The following VPS54 variants were observed in gnomAD, a reference collection of about 807,000 sequenced individuals.
The protein encoded by VPS54 is vacuolar protein sorting-associated protein 54.
Under a neutral mutation model 121.5 loss-of-function variants are expected in VPS54, and 45 were observed. The ratio of observed to expected loss-of-function variants is 0.37; its 90% CI spans 0.29 to 0.47. The LOEUF is 0.47. Ranked by LOEUF, VPS54 falls within the 20% of genes least tolerant of loss-of-function variation. The pLI, the probability that VPS54 is intolerant of heterozygous loss-of-function variation, is 0.99. For synonymous variants in VPS54, 371 were observed against 385.8 expected (o/e 0.96, Z 0.45); for missense variants, 1,090 against 1,131.4 (o/e 0.96, Z 0.52).
intron 9 of VPS54, among the ~76,000 whole-genome samples, chr2:63,946,574 CAT>C (rs1450324732): frequency 1.3e-5 from 2 of 151,980 alleles, no homozygotes; most frequent in African/African-American, 2.4e-5. Flanking sequence ...TTTAAAAACT[CAT>C]ATATGTACAT....
intron 16 of VPS54, among the ~76,000 whole-genome samples, chr2:63,914,937 C>G (rs1054228243): frequency 4.6e-5 from 7 of 151,686 alleles, no homozygotes; most frequent in African/African-American, 1.2e-4. Context: ...AGTTCGAGAC[C>G]AGCCTGACAA....
chr2:63,987,927 C>A (rs1407856382), intron 1 of VPS54, among the ~76,000 whole-genome samples: 1 of 152,074 alleles, frequency 6.6e-6, no homozygotes, highest in East Asian at 1.9e-4. Flanking sequence ...TTGATGAATT[C>A]TTTAGGTTTA....
intron 1 of VPS54, among the ~76,000 whole-genome samples, chr2:63,988,755 CTG>C (rs1327180265): frequency 1.3e-5 from 2 of 152,056 alleles, no homozygotes; most frequent in Non-Finnish European, 2.9e-5. Context: ...ACTGCACAGA[CTG>C]TTCGTAAAGC....
chr2:64,013,550 T>TTG, intron 1 of VPS54, among the ~76,000 whole-genome samples: 1 of 148,164 alleles, frequency 6.7e-6, no homozygotes, highest in African/African-American at 2.5e-5. Context: ...AATGCTGATA[T>TTG]ATATATATGA....
intron 6 of VPS54, among the ~76,000 whole-genome samples, chr2:63,964,535 G>C (rs1675902301): frequency 6.6e-6 from 1 of 152,126 alleles, no homozygotes. Context: ...ATGAAAGCCT[G>C]TGTCATGAGC....
At chr2:63,963,637 A>G (rs1309095424) in intron 6 of VPS54, among the ~76,000 whole-genome samples, 1 of 152,244 alleles carries the variant, frequency 6.6e-6, no homozygotes, top group South Asian at 2.1e-4. Flanking sequence ...TAATCTTACA[A>G]TATCTAAATA....
intron 1 of VPS54, among the ~76,000 whole-genome samples, chr2:63,997,233 G>A (rs994274016): frequency 2.0e-5 from 3 of 152,140 alleles, no homozygotes; most frequent in Non-Finnish European, 4.4e-5. Flanking sequence ...GAGTTTTAAA[G>A]TATTCCCTCC....
At chr2:63,899,049 T>C (rs1394737995) in intron 21 of VPS54, among the ~76,000 whole-genome samples, 2 of 152,218 alleles carry the variant, frequency 1.3e-5, no homozygotes, top group African/African-American at 2.4e-5. Context: ...ATAAAGCAGA[T>C]TGAGTTAATT....
intron 4 of VPS54, among the ~76,000 whole-genome samples, chr2:63,970,815 G>A (rs1676250564): frequency 6.6e-6 from 1 of 152,070 alleles, no homozygotes; most frequent in Non-Finnish European, 1.5e-5. Context: ...TCCATCACCA[G>A]TCGTTTTCTT....
At chr2:63,975,762 C>A (rs1326008556) in intron 3 of VPS54, among the ~76,000 whole-genome samples, 1 of 152,212 alleles carries the variant, frequency 6.6e-6, no homozygotes, top group Non-Finnish European at 1.5e-5. Context: ...AAACTCTAGT[C>A]TCCCACACAG....
intron 1 of VPS54, among the ~76,000 whole-genome samples, chr2:64,013,339 T>A (rs1348186187): frequency 6.6e-6 from 1 of 152,028 alleles, no homozygotes; most frequent in African/African-American, 2.4e-5. Flanking sequence ...GGTCTCTACT[T>A]CTCAATGGAT....
intron 7 of VPS54, among the ~76,000 whole-genome samples, chr2:63,958,187 A>C (rs1412883938): frequency 1.3e-5 from 2 of 152,218 alleles, no homozygotes; most frequent in African/African-American, 2.4e-5. Context: ...ATAAAAACAC[A>C]AACCATGACA....
chr2:63,942,844 C>A (rs1674803026), intron 10 of VPS54, among the ~76,000 whole-genome samples: 2 of 152,084 alleles, frequency 1.3e-5, no homozygotes, highest in Non-Finnish European at 2.9e-5. Context: ...AAGATATACT[C>A]TGGAATAAAA....
chr2:63,921,440 T>C, intron 12 of VPS54, 105 bp from the exon 13 acceptor site: 2 of 1,277,682 alleles, frequency 1.6e-6, no homozygotes, highest in East Asian at 4.8e-5. Flanking sequence ...AATTCACATT[T>C]GAAGAAAAAT....
At chr2:63,929,043 GACTT>G (rs1558998669) in intron 12 of VPS54, among the ~76,000 whole-genome samples, 1 of 152,018 alleles carries the variant, frequency 6.6e-6, no homozygotes, top group Non-Finnish European at 1.5e-5. Context: ...CCTACAAAGA[GACTT>G]ACACTCCCAC....
chr2:63,945,128 G>A (rs182868506), intron 9 of VPS54, among the ~76,000 whole-genome samples: 5 of 152,170 alleles, frequency 3.3e-5, no homozygotes, highest in African/African-American at 7.2e-5. Flanking sequence ...GCAAATACAT[G>A]GAATCAACCT....
At chr2:63,926,460 T>G (rs541479437) in intron 12 of VPS54, among the ~76,000 whole-genome samples, 90 of 152,330 alleles carry the variant, frequency 5.9e-4, no homozygotes, top group African/African-American at 2.0e-3. Context: ...AACTGTGACC[T>G]TTATAAGCTC....
chr2:63,938,949 C>G (rs985847576), intron 11 of VPS54, among the ~76,000 whole-genome samples: 1 of 151,936 alleles, frequency 6.6e-6, no homozygotes, highest in African/African-American at 2.4e-5. Flanking sequence ...AAAATACACA[C>G]TAAAAAAATA....
chr2:63,919,885 C>G lies in VPS54; in HGVS notation c.2162G>C (p.Gly721Ala). ...GKIALPEKKS[G>A]ATEERKPAEV... ...AATGTGTGAATGAATACACATACCT[C>G]CTGATTTTTTTTCAGGTAAAGCAAT... Residue 721 changes from glycine (G) to alanine (A), a missense_variant and splice_region_variant, in exon 15 of 23, where the codon GGA becomes GCA. Coordinates refer to ENST00000272322, the MANE Select transcript of VPS54 (RefSeq NM_016516.3). The G allele has an allele frequency of 6.2e-7, 1 of 1,607,336 alleles. No homozygotes were observed.
Sources: allele counts gnomAD v4.1 joint callset (sites outside exome capture counted in the v4.1 genomes callset), GRCh38; gene constraint gnomAD v4.1.1; transcripts MANE v1.5; gene names NCBI Gene and HGNC (gene_info 2026-07-23, HGNC 2026-07-21).